The following PCNX1 variants were observed in gnomAD, a reference collection of about 807,000 sequenced individuals.
PCNX1 encodes pecanex-like protein 1.
A neutral mutation model predicts 242.2 loss-of-function variants in PCNX1; 78 were observed. The observed-to-expected ratio is 0.32, with a 90% confidence interval of 0.27 to 0.39. PCNX1 has a LOEUF of 0.39. Ranked by LOEUF, PCNX1 falls within the 10% of genes least tolerant of loss-of-function variation. PCNX1 has a pLI of 1.00. For missense variants in PCNX1, 2,581 were observed against 2,856.5 expected (o/e 0.90, Z 2.20); for synonymous variants, 1,024 against 1,032.9 (o/e 0.99, Z 0.17).
intron 30 of PCNX1, among the ~76,000 whole-genome samples, chr14:71,095,113 C>CTCCT (rs2062239771): frequency 6.6e-6 from 1 of 151,498 alleles, no homozygotes; most frequent in South Asian, 2.1e-4. Flanking sequence ...TTCATCTGTT[C>CTCCT]TCTTGTCCTC....
chr14:71,042,252 A>G (rs2060727133), intron 19 of PCNX1, among the ~76,000 whole-genome samples: 1 of 152,128 alleles, frequency 6.6e-6, no homozygotes, highest in East Asian at 1.9e-4. Flanking sequence ...TGATCTGTAC[A>G]ATGTTGAAAT....
Position 71,115,047 on chromosome 14 carries a change from G to A in PCNX1, c.*5112G>A, listed in dbSNP as rs2062831302. ...ATTAAACCTATACAAGTCTGGCAAT[G>A]AGCTCTGCATGAGGAAATGGAAGGA... On this transcript the variant is annotated 3_prime_UTR_variant, in exon 36 of 36. Transcript: ENST00000304743. 6.6e-6 allele frequency: 1 copy of A among 151,220 alleles called. No homozygotes were observed. The highest frequency in any genetic ancestry group is 1.5e-5 in the Non-Finnish European group (1 of 67,866). The allele number at this position is 151,220 out of a possible 1,614,324, so 9.4% of individuals were successfully genotyped here.
intron 24 of PCNX1, among the ~76,000 whole-genome samples, chr14:71,052,233 A>G (rs1214134527): frequency 6.7e-6 from 1 of 150,260 alleles, no homozygotes. Context: ...TTTTTTTCAT[A>G]CAGGGTCTCA....
At chr14:71,050,277 T>G (rs1042790700) in intron 22 of PCNX1, among the ~76,000 whole-genome samples, 1 of 152,134 alleles carries the variant, frequency 6.6e-6, no homozygotes, top group African/African-American at 2.4e-5. Flanking sequence ...ACCCACTAAC[T>G]CATCATCTAG....
Position 71,063,575 on chromosome 14 carries a change from G to C in PCNX1, c.4852+5851G>C, listed in dbSNP as rs561558556. Among the ~76,000 whole-genome samples the C allele has an allele frequency of 2.0e-5, 3 of 152,118 alleles. No homozygotes were observed. The South Asian group carries it at 6.2e-4, about 32-fold the overall frequency. On this transcript the variant is annotated intron_variant, in intron 26 of 35. Transcript: ENST00000304743. ...TGCTCACATGTTGATGTGATCTTTG[G>C]TTACTTCCTTTTCTTTATAGTGTGA...
At chr14:70,948,639 GTATA>G (rs1342240213) in intron 2 of PCNX1, among the ~76,000 whole-genome samples, 3 of 149,558 alleles carry the variant, frequency 2.0e-5, no homozygotes, top group Admixed American at 6.7e-5. Flanking sequence ...ATATAGTTGT[GTATA>G]TATAGATGTG....
chr14:70,943,448 G>GA (rs2057338423), intron 1 of PCNX1, among the ~76,000 whole-genome samples: 1 of 152,168 alleles, frequency 6.6e-6, no homozygotes, highest in Non-Finnish European at 1.5e-5. Flanking sequence ...AGAGACTGGC[G>GA]GCATTTTGCT....
intron 1 of PCNX1, among the ~76,000 whole-genome samples, chr14:70,937,112 T>C (rs2057038069): frequency 6.6e-6 from 1 of 152,218 alleles, no homozygotes; most frequent in Non-Finnish European, 1.5e-5. Flanking sequence ...TAGTTTCTTT[T>C]GCTGTGCAGA....
intron 16 of PCNX1, among the ~76,000 whole-genome samples, chr14:71,032,181 T>A (rs530138305): frequency 6.6e-6 from 1 of 152,368 alleles, no homozygotes; most frequent in African/African-American, 2.4e-5. Flanking sequence ...GTAGCCTCTC[T>A]TGTCTCCCTC....
At chr14:70,948,410 G>A (rs578115925) in intron 2 of PCNX1, among the ~76,000 whole-genome samples, 5 of 152,112 alleles carry the variant, frequency 3.3e-5, no homozygotes, top group African/African-American at 9.6e-5. Flanking sequence ...AAGAACCTAC[G>A]TTGAAATATT....
chr14:71,066,583 ATTTAAATACCC>A (rs2061452708), intron 26 of PCNX1, among the ~76,000 whole-genome samples: 1 of 152,170 alleles, frequency 6.6e-6, no homozygotes, highest in Non-Finnish European at 1.5e-5. Context: ...CTCTCTTCCT[ATTTAAATACCC>A]TTTATTTCTT....
chr14:70,949,298 C>CACACACACGTGTGT (rs2057664850), intron 2 of PCNX1, among the ~76,000 whole-genome samples: 2 of 127,194 alleles, frequency 1.6e-5, no homozygotes, highest in African/African-American at 3.0e-5. Context: ...CACGTGTGTA[C>CACACACACGTGTGT]ACACATATGT....
At chr14:70,954,148 G>A (rs1470598462) in intron 2 of PCNX1, among the ~76,000 whole-genome samples, 1 of 152,148 alleles carries the variant, frequency 6.6e-6, no homozygotes, top group Non-Finnish European at 1.5e-5. Context: ...GATTTACCCA[G>A]TATTTGTTAA....
At chr14:71,038,773 G>A (rs1256154625) in intron 19 of PCNX1, among the ~76,000 whole-genome samples, 11 of 152,040 alleles carry the variant, frequency 7.2e-5, no homozygotes, top group East Asian at 3.9e-4. Flanking sequence ...ACATGCACAC[G>A]TATGTTTATT....
intron 16 of PCNX1, among the ~76,000 whole-genome samples, chr14:71,033,163 T>G (rs1448505461): frequency 6.6e-6 from 1 of 152,218 alleles, no homozygotes; most frequent in Non-Finnish European, 1.5e-5. Flanking sequence ...AAAAGCAAAT[T>G]ATTCCTCATG....
At chr14:71,005,148 G>T (rs2059617050) in intron 8 of PCNX1, among the ~76,000 whole-genome samples, 1 of 152,158 alleles carries the variant, frequency 6.6e-6, no homozygotes, top group Admixed American at 6.5e-5. Flanking sequence ...ATGATTTGTT[G>T]TTCTAGTAAC....
chr14:71,110,076 G>A lies in PCNX1; in HGVS notation c.*141G>A, dbSNP rs762495364. ...CTGAAAATAGAATGAGCTTGGTTAA[G>A]CACCTCTCCTTTGCCCTTCACCCTG... On this transcript the variant is annotated 3_prime_UTR_variant, in exon 36 of 36. Coordinates refer to ENST00000304743, the MANE Select transcript of PCNX1 (RefSeq NM_014982.3). The A allele has an allele frequency of 2.6e-6, 2 of 773,764 alleles. No individual in the cohort carries two copies. The highest frequency in any genetic ancestry group is 1.9e-5 in the Admixed American group (1 of 52,048). The allele number at this position is 773,764 out of a possible 1,614,324, so 47.9% of individuals were successfully genotyped here. A position where few individuals can be genotyped will look rare whatever the true frequency, so the allele number is the denominator to read the frequency against.
intron 2 of PCNX1, among the ~76,000 whole-genome samples, chr14:70,951,516 A>T (rs941070143): frequency 2.0e-5 from 3 of 152,004 alleles, no homozygotes; most frequent in African/African-American, 7.3e-5. Flanking sequence ...CTGGGATTAC[A>T]GGCATGCACC....
intron 2 of PCNX1, among the ~76,000 whole-genome samples, chr14:70,947,728 A>G (rs1274659804): frequency 6.6e-6 from 1 of 152,238 alleles, no homozygotes; most frequent in Non-Finnish European, 1.5e-5. Flanking sequence ...GAAAAGGAAG[A>G]GGATAACAGC....
Sources: allele counts gnomAD v4.1 joint callset (sites outside exome capture counted in the v4.1 genomes callset), GRCh38; gene constraint gnomAD v4.1.1; transcripts MANE v1.5; gene names NCBI Gene and HGNC (gene_info 2026-07-23, HGNC 2026-07-21).